The following SLC16A9 variants were observed in gnomAD, a reference collection of about 807,000 sequenced individuals.
SLC16A9 encodes the protein monocarboxylate transporter 9.
In SLC16A9, 26 loss-of-function variants were observed where a neutral mutation model predicts 44.3. The observed-to-expected ratio is 0.59, with a 90% CI of 0.43 to 0.81. The LOEUF (loss-of-function observed/expected upper bound fraction) is 0.81, where lower values mean the gene tolerates loss of function less well. SLC16A9 is among the 40% of genes least tolerant of loss of function. The pLI is 0.00. For synonymous variants in SLC16A9, 230 were observed against 225.1 expected, an observed-to-expected ratio of 1.02 and a Z score of -0.19; for missense variants, 559 against 595.8, an observed-to-expected ratio of 0.94 and a Z score of 0.64.
intron 1 of SLC16A9, among the ~76,000 whole-genome samples, chr10:59,688,285 T>C (rs950088157): frequency 6.6e-6 from 1 of 152,138 alleles, no homozygotes; most frequent in Non-Finnish European, 1.5e-5. Flanking sequence ...CTTCAGAGAG[T>C]CATAGCTACA....
chr10:59,662,120 C>A (rs1176412727), intron 4 of SLC16A9, among the ~76,000 whole-genome samples: 1 of 151,976 alleles, frequency 6.6e-6, no homozygotes, highest in Non-Finnish European at 1.5e-5. Context: ...GCAACAAAAG[C>A]CAAAATAGAC....
intron 1 of SLC16A9, among the ~76,000 whole-genome samples, chr10:59,692,772 T>C (rs1237744176): frequency 6.6e-6 from 1 of 152,174 alleles, no homozygotes; most frequent in Non-Finnish European, 1.5e-5. Flanking sequence ...CCACCTCAGT[T>C]TGGGTGAAGG....
At chr10:59,680,927 G>A (rs1021754755) in intron 2 of SLC16A9, among the ~76,000 whole-genome samples, 8 of 152,000 alleles carry the variant, frequency 5.3e-5, no homozygotes, top group South Asian at 2.1e-4. Context: ...AGGTTGCAGT[G>A]AGCCAATATA....
chr10:59,703,193 A>G (rs1840562365), intron 1 of SLC16A9, among the ~76,000 whole-genome samples: 1 of 152,172 alleles, frequency 6.6e-6, no homozygotes. Flanking sequence ...ATCACAGCTC[A>G]TCACTGCAGC....
chr10:59,656,328 A>G (rs1423103816), intron 4 of SLC16A9, among the ~76,000 whole-genome samples: 1 of 152,222 alleles, frequency 6.6e-6, no homozygotes, highest in Non-Finnish European at 1.5e-5. Flanking sequence ...ACAGATTCTA[A>G]CAAAGTGTCA....
rs180774133 is a variant in SLC16A9, at chr10:59,690,849, C to T, written c.-36-6522G>A. 4.9e-3 allele frequency among the ~76,000 whole-genome samples: 746 copies of T among 151,940 alleles called. 1 individual carries two copies. Among genetic ancestry groups the T allele is most frequent in the African/African-American group, 0.017 (698 of 41,446 alleles). On this transcript the variant is annotated intron_variant, in intron 1 of 5. Transcript: ENST00000395348. ...CTATAATCTCAGCACTCTGGGAGGC[C>T]GAAGTGGGTGGATCACCTGAGGTCA...
At chr10:59,686,097 G>T (rs1044811523) in intron 1 of SLC16A9, among the ~76,000 whole-genome samples, 1 of 152,022 alleles carries the variant, frequency 6.6e-6, no homozygotes, top group South Asian at 2.1e-4. Flanking sequence ...TACCGTTTTG[G>T]AGATGAAAAG....
chr10:59,659,844 A>T (rs1839431492), intron 4 of SLC16A9, among the ~76,000 whole-genome samples: 1 of 152,226 alleles, frequency 6.6e-6, no homozygotes, highest in Non-Finnish European at 1.5e-5. Flanking sequence ...GAATTAAGAA[A>T]GTCACTGAAA....
chr10:59,678,540 C>CTTT (rs1426559419), intron 2 of SLC16A9, among the ~76,000 whole-genome samples: 1 of 22,326 alleles, frequency 4.5e-5, no homozygotes, highest in Non-Finnish European at 1.4e-4. Context: ...TTTTCTTTTT[C>CTTT]TTTTTCTTTT....
At chr10:59,669,892 C>T (rs1300471155) in intron 3 of SLC16A9, among the ~76,000 whole-genome samples, 1 of 152,062 alleles carries the variant, frequency 6.6e-6, no homozygotes, top group Non-Finnish European at 1.5e-5. Context: ...TGCAATTAAT[C>T]CTGCAATCTG....
intron 3 of SLC16A9, among the ~76,000 whole-genome samples, chr10:59,666,406 A>G (rs554847704): frequency 6.3e-4 from 96 of 152,258 alleles, no homozygotes; most frequent in Admixed American, 2.3e-3. Context: ...CTGTGTACCT[A>G]TGGTCCCTAA....
chr10:59,672,500 T>A (rs1839771992), intron 3 of SLC16A9, among the ~76,000 whole-genome samples: 1 of 152,184 alleles, frequency 6.6e-6, no homozygotes, highest in African/African-American at 2.4e-5. Flanking sequence ...ACTTTTCCCA[T>A]ATGTGCTATA....
chr10:59,677,063 T>TCACACACACACACACACACACACACA (rs57206841), intron 2 of SLC16A9, among the ~76,000 whole-genome samples: 108 of 149,236 alleles, frequency 7.2e-4, no homozygotes, highest in African/African-American at 2.6e-3. Context: ...AATAGGAACT[T>TCACACACACACACACACACACACACA]CACACACACA....
chr10:59,676,385 C>A lies in SLC16A9; in HGVS notation c.197-3472G>T, dbSNP rs1462076840. 2.0e-5 allele frequency among the ~76,000 whole-genome samples: 3 copies of A among 152,230 alleles called. No homozygotes were observed. In the East Asian group the frequency reaches 5.8e-4, roughly 29 times the overall value. On this transcript the variant is annotated intron_variant, in intron 2 of 5. Coordinates refer to ENST00000395348, the MANE Select transcript of SLC16A9 (RefSeq NM_194298.3). ...CTGTGCAAGGCCTCAAGATGATAAACCATCTATTATTCCTCAGCACTGGAT... is the reference window on the plus strand; with the variant it reads ...CTGTGCAAGGCCTCAAGATGATAAAACATCTATTATTCCTCAGCACTGGAT...
chr10:59,678,166 T>G (rs1369478811), intron 2 of SLC16A9, among the ~76,000 whole-genome samples: 2 of 151,660 alleles, frequency 1.3e-5, no homozygotes, highest in African/African-American at 4.8e-5. Context: ...AATACATAAG[T>G]TGGCTGATGC....
chr10:59,678,989 C>T (rs1839927783), intron 2 of SLC16A9, among the ~76,000 whole-genome samples: 1 of 152,158 alleles, frequency 6.6e-6, no homozygotes, highest in Non-Finnish European at 1.5e-5. Flanking sequence ...ATAACTCATT[C>T]AGCAAGTGGG....
chr10:59,678,020 A>C (rs376000738), intron 2 of SLC16A9, among the ~76,000 whole-genome samples: 2 of 145,406 alleles, frequency 1.4e-5, no homozygotes, highest in African/African-American at 5.0e-5. Context: ...ATATCTCCCA[A>C]TGCTATCCCT....
At chr10:59,687,307 C>G (rs970264288) in intron 1 of SLC16A9, among the ~76,000 whole-genome samples, 1 of 152,200 alleles carries the variant, frequency 6.6e-6, no homozygotes, top group Non-Finnish European at 1.5e-5. Flanking sequence ...AGTGGGAATG[C>G]CCTCAAATAC....
intron 3 of SLC16A9, among the ~76,000 whole-genome samples, chr10:59,668,552 T>C (rs560108847): frequency 6.6e-6 from 1 of 152,236 alleles, no homozygotes; most frequent in South Asian, 2.1e-4. Context: ...TTCAAGTCTA[T>C]TCCTCCAACT....
Sources: gnomAD v4.1 joint callset for allele counts (sites outside exome capture counted in the v4.1 genomes callset) on GRCh38, gnomAD v4.1.1 for gene constraint, MANE v1.5 for transcripts, NCBI Gene and HGNC (gene_info 2026-07-23, HGNC 2026-07-21) for gene names.